Variants in PIEZO2 observed in about 807,000 individuals in gnomAD.
The protein encoded by PIEZO2 is piezo-type mechanosensitive ion channel component 2.
A neutral mutation model predicts 337.3 loss-of-function variants in PIEZO2; 172 were observed. The observed-to-expected ratio is 0.51, with a 90% CI of 0.45 to 0.58. PIEZO2 has a LOEUF of 0.58. Ranked by LOEUF, PIEZO2 falls within the 20% of genes least tolerant of loss-of-function variation. The pLI, the probability that PIEZO2 is intolerant of heterozygous loss-of-function variation, is 0.00. For missense variants in PIEZO2, 3,028 were observed against 3,391.3 expected (o/e 0.89, Z 2.66); for synonymous variants, 1,251 against 1,228.5 (o/e 1.02, Z -0.38).
At chr18:11,122,951 A>C (rs933679871) in intron 1 of PIEZO2, among the ~76,000 whole-genome samples, 5 of 150,788 alleles carry the variant, frequency 3.3e-5, no homozygotes, top group African/African-American at 1.2e-4. Context: ...GTTATATGAT[A>C]GCATTGATAT....
At chr18:10,996,194 G>A (rs969709400) in intron 2 of PIEZO2, among the ~76,000 whole-genome samples, 8 of 152,074 alleles carry the variant, frequency 5.3e-5, no homozygotes, top group East Asian at 1.9e-4. Context: ...CAATTCCACC[G>A]TAGTGTTTGT....
intron 2 of PIEZO2, among the ~76,000 whole-genome samples, chr18:11,036,371 C>T (rs1334675712): frequency 6.6e-6 from 1 of 152,112 alleles, no homozygotes; most frequent in African/African-American, 2.4e-5. Flanking sequence ...GAATTCTGTA[C>T]ATAACTATTT....
At chr18:11,074,284 A>G (rs1242180906) in intron 1 of PIEZO2, among the ~76,000 whole-genome samples, 1 of 152,176 alleles carries the variant, frequency 6.6e-6, no homozygotes, top group East Asian at 1.9e-4. Context: ...TTCTTGGTGG[A>G]TTCTCAGGGA....
At chr18:10,996,509 C>T (rs1202853671) in intron 2 of PIEZO2, among the ~76,000 whole-genome samples, 1 of 152,204 alleles carries the variant, frequency 6.6e-6, no homozygotes, top group African/African-American at 2.4e-5. Flanking sequence ...TCTCCATTCC[C>T]CCATCCCAAC....
In PIEZO2 at chr18:10,895,740, T is replaced by C. The variant is rs1195716706; in HGVS notation, c.329+15446A>G. 6.6e-6 allele frequency among the ~76,000 whole-genome samples: 1 copy of C among 152,076 alleles called. No individual in the cohort carries two copies. Among genetic ancestry groups the C allele is most frequent in the Non-Finnish European group, 1.5e-5 (1 of 68,012 alleles). The stretch of plus-strand genomic sequence containing the variant: ...TACCAGCAACAGGTGTAATGGGTGC[T>C]GATGATGTTGTTTCTGTCTGTCTCT... On this transcript the variant is annotated intron_variant, in intron 4 of 55. Coordinates refer to ENST00000674853, the MANE Select transcript of PIEZO2 (RefSeq NM_001378183.1). The surrounding 1 kb of genome is among the most constrained non-coding windows in gnomAD (Gnocchi z 4.8).
chr18:10,980,681 G>T lies in PIEZO2; in HGVS notation c.161-1021C>A, dbSNP rs1269793405. 6.6e-6 allele frequency among the ~76,000 whole-genome samples: 1 copy of T among 152,118 alleles called. No homozygotes were observed. Among genetic ancestry groups the T allele is most frequent in the Non-Finnish European group, 1.5e-5 (1 of 68,014 alleles). ...ATATAAGAATTTAGAAAATGATTCA[G>T]ATACAAAATCATCTTACAAAAATGA... On this transcript the variant is annotated intron_variant, in intron 2 of 55. Coordinates refer to ENST00000674853, the MANE Select transcript of PIEZO2 (RefSeq NM_001378183.1). This position sits in a 1 kb window ranked among gnomAD's most constrained non-coding sequence, Gnocchi z 4.8.
rs1281699882 is a variant in PIEZO2, at chr18:11,111,294, G to A, written c.64+37231C>T. Among the ~76,000 whole-genome samples, 1 of 152,162 alleles carries A rather than the reference G, an allele frequency of 6.6e-6. No homozygotes were observed. The highest frequency in any genetic ancestry group is 1.5e-5 in the Non-Finnish European group (1 of 68,028). ...TCGTTTCCCATCCCTTTCAACAGTG[G>A]TATAGCCTGCAATCTCCTCTATTTA... On this transcript the variant is annotated intron_variant, in intron 1 of 55. Coordinates refer to ENST00000674853, the MANE Select transcript of PIEZO2 (RefSeq NM_001378183.1). This position sits in a 1 kb window ranked among gnomAD's most constrained non-coding sequence, Gnocchi z 6.2.
rs772384572 is a variant in PIEZO2 at position 10,780,363 on chromosome 18, A to C, written c.2496T>G (p.His832Gln). Reference sequence around the variant, plus strand: ...GATATACGCGACCATTGACTTTGGCATGGCTACGAGGTGGCAGACGGAAGC... The same window carrying C: ...GATATACGCGACCATTGACTTTGGCCTGGCTACGAGGTGGCAGACGGAAGC... ...PSKEDNTIYS[H>Q]AKVNGRVYLI... Residue 832 changes from histidine (H) to glutamine (Q), a missense_variant, in exon 18 of 56, where the codon CAT (histidine) becomes CAG (glutamine). Physicochemically the swap from His to Gln is conservative, Grantham distance 24 (BLOSUM62 0). Transcript: ENST00000674853. The C allele has an allele frequency of 7.4e-5, 52 of 703,010 alleles. 1 individual carries two copies. The South Asian group carries it at 7.7e-4, about 10-fold the overall frequency. The allele number at this position is 703,010 out of a possible 1,614,324, so 43.5% of individuals were successfully genotyped here. A position where few individuals can be genotyped will look rare whatever the true frequency, so the allele number is the denominator to read the frequency against.
At chr18:11,046,157 C>G (rs1210183482) in intron 2 of PIEZO2, among the ~76,000 whole-genome samples, 3 of 152,322 alleles carry the variant, frequency 2.0e-5, no homozygotes, top group Middle Eastern at 6.8e-3. Flanking sequence ...CTTTCAGAAA[C>G]TTGTCTCCTT....
At position 10,962,355 on chromosome 18, in the gene PIEZO2, C is replaced by T. The variant is rs1031984374; in HGVS notation, c.286+17180G>A. ...CGGCCCTCCCTCGGCTCCCCACAGC[C>T]TCATACTCACAACTGGCATTTTCCT... On this transcript the variant is annotated intron_variant, in intron 3 of 55. Coordinates refer to ENST00000674853, the MANE Select transcript of PIEZO2 (RefSeq NM_001378183.1). This position sits in a 1 kb window ranked among gnomAD's most constrained non-coding sequence, Gnocchi z 4.1. 4.6e-5 allele frequency among the ~76,000 whole-genome samples: 7 copies of T among 152,176 alleles called. No individual in the cohort carries two copies. The highest frequency in any genetic ancestry group is 1.4e-4 in the African/African-American group (6 of 41,444).
At chr18:10,935,622 A>G (rs1438747516) in intron 3 of PIEZO2, among the ~76,000 whole-genome samples, 3 of 152,248 alleles carry the variant, frequency 2.0e-5, no homozygotes, top group Non-Finnish European at 4.4e-5. Flanking sequence ...GCATAAAAGA[A>G]ACTGGCTGGA....
In PIEZO2 at chr18:11,099,762, A is replaced by G. The variant is rs1261108812; in HGVS notation, c.65-33540T>C. Reference sequence around the variant, plus strand: ...GCGTGAGCCACTGTGCCCGTCCTATATCTTTATTCTTAATGAGGTTGATTT... The same window carrying G: ...GCGTGAGCCACTGTGCCCGTCCTATGTCTTTATTCTTAATGAGGTTGATTT... On this transcript the variant is annotated intron_variant, in intron 1 of 55. Coordinates refer to ENST00000674853, the MANE Select transcript of PIEZO2 (RefSeq NM_001378183.1). This position sits in a 1 kb window ranked among gnomAD's most constrained non-coding sequence, Gnocchi z 5.4. Among the ~76,000 whole-genome samples the G allele has an allele frequency of 6.6e-6, 1 of 152,200 alleles. No homozygotes were observed. The highest frequency in any genetic ancestry group is 6.5e-5 in the Admixed American group (1 of 15,290).
At position 10,870,861 on chromosome 18, in the gene PIEZO2, A is replaced by AT. The variant is rs1247181339; in HGVS notation, c.492+391dup. Among the ~76,000 whole-genome samples the AT allele has an allele frequency of 1.3e-5, 2 of 152,238 alleles. No individual in the cohort carries two copies. Among genetic ancestry groups the AT allele is most frequent in the South Asian group, 2.1e-4 (1 of 4,818 alleles). Reference sequence around the variant, plus strand: ...AAAGCTGCCCTGCAAGGAGGAACTCATTTTTTTCCCTAAAACTACCAGATG... The same window carrying AT: ...AAAGCTGCCCTGCAAGGAGGAACTCATTTTTTTTCCCTAAAACTACCAGATG... On this transcript the variant is annotated intron_variant, in intron 5 of 55. Coordinates refer to ENST00000674853, the MANE Select transcript of PIEZO2 (RefSeq NM_001378183.1). This position sits in a 1 kb window ranked among gnomAD's most constrained non-coding sequence, Gnocchi z 5.3.
chr18:10,745,287 A>T (rs1411294657), intron 30 of PIEZO2, among the ~76,000 whole-genome samples: 1 of 152,036 alleles, frequency 6.6e-6, no homozygotes, highest in Non-Finnish European at 1.5e-5. Context: ...TGCATTTCCA[A>T]TCTTTCCATC....
intron 21 of PIEZO2, among the ~76,000 whole-genome samples, chr18:10,769,569 T>C (rs1228420942): frequency 6.6e-6 from 1 of 152,240 alleles, no homozygotes; most frequent in Non-Finnish European, 1.5e-5. Flanking sequence ...CATATAGAAG[T>C]ATGCAAACAC....
intron 1 of PIEZO2, among the ~76,000 whole-genome samples, chr18:11,108,780 C>A (rs905840139): frequency 2.9e-4 from 44 of 152,032 alleles, no homozygotes; most frequent in African/African-American, 9.9e-4. Flanking sequence ...ATGCTCGTGC[C>A]ACAGCTGGTT....
chr18:11,137,072 G>A (rs942846399), intron 1 of PIEZO2, among the ~76,000 whole-genome samples: 1 of 152,176 alleles, frequency 6.6e-6, no homozygotes, highest in Non-Finnish European at 1.5e-5. Flanking sequence ...CACACATCTT[G>A]TTCATGCTAT....
chr18:10,807,698 T>G (rs953014476), intron 7 of PIEZO2, among the ~76,000 whole-genome samples: 2 of 152,296 alleles, frequency 1.3e-5, no homozygotes, highest in African/African-American at 4.8e-5. Flanking sequence ...ATTTTGTTTT[T>G]GGCTAGGTTC....
chr18:10,879,686 T>C (rs2042363233), intron 4 of PIEZO2, among the ~76,000 whole-genome samples: 1 of 152,150 alleles, frequency 6.6e-6, no homozygotes, highest in Non-Finnish European at 1.5e-5. Flanking sequence ...TGAGCCACCG[T>C]GCCCAGCCTC....
Sources: gnomAD v4.1 joint callset for allele counts (sites outside exome capture counted in the v4.1 genomes callset) on GRCh38, gnomAD v4.1.1 for gene constraint, Gnocchi (gnomAD v3.1) non-coding constraint, MANE v1.5 for transcripts, NCBI Gene and HGNC (gene_info 2026-07-23, HGNC 2026-07-21) for gene names.